Variants in OR7A5 observed in about 807,000 individuals in gnomAD.
OR7A5 encodes the protein olfactory receptor 7A5.
For missense variants in OR7A5, 319 were observed against 377.9 expected, an observed-to-expected ratio of 0.84 and a Z score of 1.29; for synonymous variants, 140 against 146.7, an observed-to-expected ratio of 0.95 and a Z score of 0.33.
chr19:14,827,990 G>A lies in OR7A5; in HGVS notation c.252C>T (p.Asn84=). 1 of 1,614,210 alleles carries A rather than the reference G, an allele frequency of 6.2e-7. No individual in the cohort carries two copies. The highest frequency in any genetic ancestry group is 8.5e-7 in the Non-Finnish European group (1 of 1,180,034). ...TGATGACTTTGTTCTGTGTCTGGAT[G>A]TTCATCAGCATTTTTGGAATGGTGG... ...TSTTIPKMLM[N]IQTQNKVITY... is the part of the protein sequence containing the mutation. The change falls in exon 2 of 2, where the codon AAC becomes AAT. Residue 84 remains asparagine (N), a synonymous_variant. Coordinates refer to ENST00000322301, the MANE Select transcript of OR7A5 (RefSeq NM_017506.2).
chr19:14,827,084 CAA>C lies in OR7A5; in HGVS notation c.*196_*197del, dbSNP rs2044774661. The C allele has an allele frequency of 2.2e-6, 1 of 459,110 alleles. No homozygotes were observed. The highest frequency in any genetic ancestry group is 8.1e-5 in the South Asian group (1 of 12,314). 28.4% of individuals were successfully genotyped at this position (459,110 alleles called of 1,614,324 possible). A position where few individuals can be genotyped will look rare whatever the true frequency, so the allele number is the denominator to read the frequency against. On this transcript the variant is annotated 3_prime_UTR_variant, in exon 2 of 2. Coordinates refer to ENST00000322301, the MANE Select transcript of OR7A5 (RefSeq NM_017506.2). ...TAACCTTGAGAAAGTAGGAAAACAA[CAA>C]AGAGAAAAAACTGTTGGATATCAGA... is the stretch of plus-strand genomic sequence containing the variant.
chr19:14,828,996 TAAAC>T (rs779674029), intron 1 of OR7A5, among the ~76,000 whole-genome samples: 35 of 152,130 alleles, frequency 2.3e-4, no homozygotes, highest in Admixed American at 7.9e-4. Context: ...GCTTGGAAAA[TAAAC>T]AAAGCAGGTA....
rs1441410005 is a variant in OR7A5, at chr19:14,830,694, A to G, written c.-13-2440T>C. Among the ~76,000 whole-genome samples, 3 of 152,250 alleles carry G rather than the reference A, an allele frequency of 2.0e-5. 1 individual carries two copies. The highest frequency in any genetic ancestry group is 4.4e-5 in the Non-Finnish European group (3 of 68,040). On this transcript the variant is annotated intron_variant, in intron 1 of 1. Coordinates refer to ENST00000322301, the MANE Select transcript of OR7A5 (RefSeq NM_017506.2). Reference sequence around the variant, plus strand: ...TAGCTTTCCTTTTGGAACTAGAAATAAGTAAATAAAGTTATCCAAAAGACA... The same window carrying G: ...TAGCTTTCCTTTTGGAACTAGAAATGAGTAAATAAAGTTATCCAAAAGACA...
chr19:14,827,969 G>C lies in OR7A5; in HGVS notation c.273C>G (p.Val91=), dbSNP rs780211106. Residue 91 remains valine (V), a synonymous_variant, in exon 2 of 2, where the codon GTC becomes GTG. Transcript: ENST00000322301. ...GCATGAGGCAGGCTATGTAGGTGAT[G>C]ACTTTGTTCTGTGTCTGGATGTTCA... The part of the protein sequence containing the change: ...MLMNIQTQNK[V]ITYIACLMQM... 37 of 1,614,110 alleles carry C rather than the reference G, an allele frequency of 2.3e-5. No homozygotes were observed. The highest frequency in any genetic ancestry group is 1.7e-5 in the Admixed American group (1 of 60,010).
rs556183333 is a variant in OR7A5 at position 14,832,933 on chromosome 19, T to C, written c.-14+2141A>G. On this transcript the variant is annotated intron_variant, in intron 1 of 1. Coordinates refer to ENST00000322301, the MANE Select transcript of OR7A5 (RefSeq NM_017506.2). Reference sequence around the variant, plus strand: ...ATTAATAAATTGGCAAAAATCTAGATATAAAAGAATATGGCATACACTGTT... The same window carrying C: ...ATTAATAAATTGGCAAAAATCTAGACATAAAAGAATATGGCATACACTGTT... Among the ~76,000 whole-genome samples the C allele has an allele frequency of 3.3e-5, 5 of 152,082 alleles. No homozygotes were observed. The South Asian group carries it at 1.0e-3, about 32-fold the overall frequency.
intron 1 of OR7A5, 182 bp from the exon 2 acceptor site, chr19:14,828,436 A>G (rs1294467754): frequency 1.5e-6 from 1 of 654,236 alleles, no homozygotes; most frequent in African/African-American, 1.8e-5. Flanking sequence ...TCTCAGCCTT[A>G]ACTGAAGACA....
At chr19:14,830,550 A>G (rs2044821535) in intron 1 of OR7A5, among the ~76,000 whole-genome samples, 1 of 152,196 alleles carries the variant, frequency 6.6e-6, no homozygotes, top group Non-Finnish European at 1.5e-5. Context: ...TATCTCCTCG[A>G]TGCCTGGCAA....
In OR7A5 at chr19:14,827,710, A is replaced by T; in HGVS notation, c.532T>A (p.Phe178Ile). 6.2e-6 allele frequency: 10 copies of T among 1,614,192 alleles called. No individual in the cohort carries two copies. The highest frequency in any genetic ancestry group is 8.5e-6 in the Non-Finnish European group (10 of 1,180,030). Residue 178 changes from phenylalanine (F) to isoleucine (I), a missense_variant, in exon 2 of 2, where the codon TTC becomes ATC. Phe to Ile is a conservative substitution (Grantham distance 21). Coordinates refer to ENST00000322301, the MANE Select transcript of OR7A5 (RefSeq NM_017506.2). ...TGGATGACCTGATTAAGTTCACAGA[A>T]AAAGTGGGGGATTTCTAAGGCTGTG... ...FCTALEIPHFFCELNQVIQLA... is the reference protein window; with the variant it reads ...FCTALEIPHFICELNQVIQLA...
At chr19:14,829,042 G>A (rs1427390915) in intron 1 of OR7A5, among the ~76,000 whole-genome samples, 1 of 152,118 alleles carries the variant, frequency 6.6e-6, no homozygotes, top group Non-Finnish European at 1.5e-5. Context: ...TGTTTCTTTT[G>A]TTTTTTGTTT....
rs146887113 is a variant in OR7A5 at position 14,827,634 on chromosome 19, A to G, written c.608T>C (p.Val203Ala). The change falls in exon 2 of 2, where the codon GTT (valine) becomes GCT (alanine). Residue 203 changes from valine (V) to alanine (A), a missense_variant. By Grantham distance (64) the Val-to-Ala change is moderately conservative. Transcript: ENST00000322301. ...FLNHMVIYFTVALLGGGPLTG... is the reference protein window; with the variant it reads ...FLNHMVIYFTAALLGGGPLTG... ...CAGGGGACCTCCACCCAGCAGCGCAACTGTAAAATATATCACCATGTGATT... is the reference window on the plus strand; with the variant it reads ...CAGGGGACCTCCACCCAGCAGCGCAGCTGTAAAATATATCACCATGTGATT... The G allele has an allele frequency of 3.7e-5, 60 of 1,614,088 alleles. No individual in the cohort carries two copies. Among genetic ancestry groups the G allele is most frequent in the Non-Finnish European group, 4.7e-5 (56 of 1,180,048 alleles).
In OR7A5 at chr19:14,827,680, C is replaced by T. The variant is rs778409583; in HGVS notation, c.562G>A (p.Ala188Thr). 2 of 1,614,166 alleles carry T rather than the reference C, an allele frequency of 1.2e-6. No individual in the cohort carries two copies. The highest frequency in any genetic ancestry group is 1.7e-6 in the Non-Finnish European group (2 of 1,180,030). The change falls in exon 2 of 2, where the codon GCT becomes ACT. Residue 188 changes from alanine to threonine, a missense_variant. Transcript: ENST00000322301. ...FCELNQVIQL[A>T]CSDSFLNHMV... Reference sequence around the variant, plus strand: ...TGATTAAGAAAGCTATCAGAACAAGCAAGTTGGATGACCTGATTAAGTTCA... The same window carrying T: ...TGATTAAGAAAGCTATCAGAACAAGTAAGTTGGATGACCTGATTAAGTTCA...
At position 14,827,149 on chromosome 19, in the gene OR7A5, A is replaced by G. The variant is rs1328962218; in HGVS notation, c.*133T>C. The G allele has an allele frequency of 6.6e-6, 6 of 910,986 alleles. No homozygotes were observed. The highest frequency in any genetic ancestry group is 7.6e-6 in the Non-Finnish European group (5 of 653,680). The allele number at this position is 910,986 out of a possible 1,614,324, so 56.4% of individuals were successfully genotyped here. A position where few individuals can be genotyped will look rare whatever the true frequency, so the allele number is the denominator to read the frequency against. Reference sequence around the variant, plus strand: ...TAATAAAAGGAGTTGCTTAAATTCTACAAGACCAGTTGAAATCACAACAAA... The same window carrying G: ...TAATAAAAGGAGTTGCTTAAATTCTGCAAGACCAGTTGAAATCACAACAAA... On this transcript the variant is annotated 3_prime_UTR_variant, in exon 2 of 2. Coordinates refer to ENST00000322301, the MANE Select transcript of OR7A5 (RefSeq NM_017506.2).
intron 1 of OR7A5, among the ~76,000 whole-genome samples, chr19:14,834,050 A>G (rs2145088991): frequency 6.6e-6 from 1 of 152,312 alleles, no homozygotes; most frequent in African/African-American, 2.4e-5. Flanking sequence ...GCTTGAGCCC[A>G]GGAGTTCGAG....
In OR7A5 at chr19:14,828,066, A is replaced by AT. The variant is rs750716925; in HGVS notation, c.175dup (p.Met59AsnfsTer12). ...GGACAGGTTGGAGAGGAAGAAGTAC[A>AT]TGGGGGTGTGGAGGTGGGAGTCTGA... On this transcript the variant is annotated frameshift_variant, in exon 2 of 2. Coordinates refer to ENST00000322301, the MANE Select transcript of OR7A5 (RefSeq NM_017506.2). LOFTEE classifies it low-confidence loss of function (END_TRUNC). 9 of 1,614,202 alleles carry AT rather than the reference A, an allele frequency of 5.6e-6. No individual in the cohort carries two copies. The African/African-American group carries it at 9.3e-5, about 17-fold the overall frequency.
chr19:14,827,406 G>A lies in OR7A5; in HGVS notation c.836C>T (p.Thr279Ile). Reference sequence around the variant, plus strand: ...GGGGTTCAGCATGGGGGTGACCACAGTGTACATCACTGAGGCTGTTGCACT... The same window carrying A: ...GGGGTTCAGCATGGGGGTGACCACAATGTACATCACTGAGGCTGTTGCACT... ...HSSATASVMYTVVTPMLNPFI... is the reference protein window; with the variant it reads ...HSSATASVMYIVVTPMLNPFI... The change falls in exon 2 of 2, where the codon ACT becomes ATT. Residue 279 changes from threonine (T) to isoleucine (I), a missense_variant. Physicochemically the swap from Thr to Ile is moderately conservative, Grantham distance 89. Coordinates refer to ENST00000322301, the MANE Select transcript of OR7A5 (RefSeq NM_017506.2). The A allele has an allele frequency of 6.2e-7, 1 of 1,614,158 alleles. No homozygotes were observed. Among genetic ancestry groups the A allele is most frequent in the Non-Finnish European group, 8.5e-7 (1 of 1,180,016 alleles).
intron 1 of OR7A5, among the ~76,000 whole-genome samples, chr19:14,833,421 G>A (rs1307965018): frequency 6.6e-6 from 1 of 152,234 alleles, no homozygotes; most frequent in Non-Finnish European, 1.5e-5. Flanking sequence ...GAAGGTTGCA[G>A]TGAGCCAAGA....
intron 1 of OR7A5, among the ~76,000 whole-genome samples, chr19:14,832,352 T>C (rs2145086136): frequency 6.6e-6 from 1 of 152,196 alleles, no homozygotes; most frequent in African/African-American, 2.4e-5. Flanking sequence ...TTACCATGGA[T>C]GTTCACTTAT....
Position 14,827,736 on chromosome 19 carries a change from C to T in OR7A5, c.506G>A (p.Cys169Tyr). The change falls in exon 2 of 2, where the codon TGC becomes TAC. Residue 169 changes from cysteine (C) to tyrosine (Y), a missense_variant. Transcript: ENST00000322301. ...AAAGTGGGGGATTTCTAAGGCTGTGCAGAAGGACAGCCGTACTACCATTAA... is the reference window on the plus strand; with the variant it reads ...AAAGTGGGGGATTTCTAAGGCTGTGTAGAAGGACAGCCGTACTACCATTAA... ...QILMVVRLSF[C>Y]TALEIPHFFC... 1 of 1,614,090 alleles carries T rather than the reference C, an allele frequency of 6.2e-7. No individual in the cohort carries two copies. The highest frequency in any genetic ancestry group is 1.1e-5 in the South Asian group (1 of 91,076).
intron 1 of OR7A5, among the ~76,000 whole-genome samples, chr19:14,833,184 A>AAAC (rs200248514): frequency 0.019 from 2,911 of 152,346 alleles, 58 homozygotes; most frequent in Admixed American, 0.044. Context: ...GAGGAATTAA[A>AAAC]AACTTCAATA....
Sources: allele counts gnomAD v4.1 joint callset (sites outside exome capture counted in the v4.1 genomes callset), GRCh38; gene constraint gnomAD v4.1.1; transcripts MANE v1.5; gene names NCBI Gene and HGNC (gene_info 2026-07-23, HGNC 2026-07-21).